Variants in CLIP4 observed in about 807,000 individuals in gnomAD.
CLIP4 encodes CAP-Gly domain containing linker protein family member 4.
Under a neutral mutation model 73.1 loss-of-function variants are expected in CLIP4, and 47 were observed. The observed-to-expected ratio is 0.64, with a 90% confidence interval of 0.51 to 0.82. CLIP4 has a LOEUF of 0.82. Ranked by LOEUF, CLIP4 falls within the 40% of genes least tolerant of loss-of-function variation. The pLI is 0.00. For missense variants in CLIP4, 874 were observed against 852.9 expected (o/e 1.02, Z -0.31); for synonymous variants, 306 against 295.4 (o/e 1.04, Z -0.37).
intron 14 of CLIP4, among the ~76,000 whole-genome samples, chr2:29,169,972 C>G (rs927195958): frequency 6.6e-6 from 1 of 152,114 alleles, no homozygotes; most frequent in Non-Finnish European, 1.5e-5. Context: ...TCACAAGATC[C>G]ACTGTTTTAG....
At chr2:29,157,595 C>T (rs1485550560) in intron 11 of CLIP4, among the ~76,000 whole-genome samples, 1 of 152,178 alleles carries the variant, frequency 6.6e-6, no homozygotes, top group African/African-American at 2.4e-5. Flanking sequence ...CTGAATTTAG[C>T]TTCTTCACAG....
intron 11 of CLIP4, among the ~76,000 whole-genome samples, chr2:29,158,370 C>CT (rs11297703): frequency 1.1e-4 from 17 of 150,050 alleles, no homozygotes; most frequent in East Asian, 1.9e-4. Context: ...TATGGAATTA[C>CT]TTTTTTTTTT....
chr2:29,118,231 TG>T (rs1342710540), intron 1 of CLIP4: 1 of 152,256 alleles, frequency 6.6e-6, no homozygotes, highest in Non-Finnish European at 1.5e-5. Flanking sequence ...TGAAGTCTCC[TG>T]GCTTCAGTAA....
intron 1 of CLIP4, among the ~76,000 whole-genome samples, chr2:29,107,367 T>TTTTTG (rs1668247672): frequency 9.0e-6 from 1 of 111,172 alleles, no homozygotes; most frequent in African/African-American, 3.7e-5. Flanking sequence ...AGTTTTTTTT[T>TTTTTG]TTTTTTTTTT....
In CLIP4 at chr2:29,157,221, G is replaced by A. The variant is rs75318351; in HGVS notation, c.1273G>A (p.Val425Ile). The A allele has an allele frequency of 1.2e-5, 20 of 1,614,010 alleles. No individual in the cohort carries two copies. Among genetic ancestry groups the A allele is most frequent in the Middle Eastern group, 1.6e-4 (1 of 6,062 alleles). Residue 425 changes from valine to isoleucine, a missense_variant, in exon 11 of 16, where the codon GTC (valine) becomes ATC (isoleucine). Transcript: ENST00000320081. Reference protein sequence around the residue: ...TEKDVALLGSVSSCSSTSSLE... With the variant: ...TEKDVALLGSISSCSSTSSLE... The stretch of plus-strand genomic sequence containing the variant: ...TGTTACAGTTGCCCTGCTTGGATCT[G>A]TCAGCAGCTGCTCCTCTACATCTTC...
chr2:29,131,356 G>C lies in CLIP4; in HGVS notation c.232G>C (p.Val78Leu), dbSNP rs746596896. The C allele has an allele frequency of 1.2e-6, 2 of 1,608,012 alleles. No individual in the cohort carries two copies. The highest frequency in any genetic ancestry group is 1.7e-6 in the Non-Finnish European group (2 of 1,177,888). ...SELFAILRQWVPQVQQNIDII... is the reference protein window; with the variant it reads ...SELFAILRQWLPQVQQNIDII... ...ATTATTTGCCATTTTGAGACAGTGG[G>C]TTCCTCAGGTCCAACAAAACATTGA... The change falls in exon 3 of 16, where the codon GTT (valine) becomes CTT (leucine). Residue 78 changes from valine to leucine, a missense_variant. By Grantham distance (32) the Val-to-Leu change is conservative. Coordinates refer to ENST00000320081, the MANE Select transcript of CLIP4 (RefSeq NM_024692.6).
chr2:29,182,866 C>T lies in CLIP4; in HGVS notation c.*973C>T, dbSNP rs977644591. 3.9e-5 allele frequency: 6 copies of T among 152,490 alleles called. No homozygotes were observed. Among genetic ancestry groups the T allele is most frequent in the East Asian group, 1.9e-4 (1 of 5,194 alleles). 9.4% of individuals were successfully genotyped at this position (152,490 alleles called of 1,614,324 possible). A position where few individuals can be genotyped will look rare whatever the true frequency, so the allele number is the denominator to read the frequency against. ...GGGATATGAGAAACATTTTAAAAAA[C>T]GTATTTAACAGAAGAGAGCAAATAA... On this transcript the variant is annotated 3_prime_UTR_variant, in exon 16 of 16. Transcript: ENST00000320081.
intron 15 of CLIP4, among the ~76,000 whole-genome samples, chr2:29,175,852 C>T (rs912716358): frequency 1.2e-4 from 18 of 152,060 alleles, no homozygotes; most frequent in Non-Finnish European, 2.4e-4. Flanking sequence ...AGCTCCGCCT[C>T]CCGGGTTCAC....
intron 2 of CLIP4, chr2:29,130,776 T>C (rs1558526963): frequency 3.1e-6 from 4 of 1,285,006 alleles, no homozygotes; most frequent in East Asian, 5.6e-5. Context: ...GTAAGAACTA[T>C]GTGTACATAG....
chr2:29,145,871 AGGGTTTCGCCATGTTGG>A (rs1299401295), intron 8 of CLIP4, among the ~76,000 whole-genome samples: 6 of 152,156 alleles, frequency 3.9e-5, no homozygotes, highest in African/African-American at 1.4e-4. Flanking sequence ...CAGTAGAGAC[AGGGTTTCGCCATGTTGG>A]CCAGACTGGT....
Position 29,156,345 on chromosome 2 carries a change from G to A in CLIP4, c.1166-9G>A. 1.3e-6 allele frequency: 2 copies of A among 1,548,074 alleles called. No individual in the cohort carries two copies. Among genetic ancestry groups the A allele is most frequent in the Non-Finnish European group, 1.7e-6 (2 of 1,154,656 alleles). ...TTCTTGCTTAAAGTGTTTTATTTTTGTGTCCAAGGATTAATGACATCAAAA... is the reference window on the plus strand; with the variant it reads ...TTCTTGCTTAAAGTGTTTTATTTTTATGTCCAAGGATTAATGACATCAAAA... On this transcript the variant is annotated splice_polypyrimidine_tract_variant and intron_variant, in intron 9 of 15. Coordinates refer to ENST00000320081, the MANE Select transcript of CLIP4 (RefSeq NM_024692.6).
intron 1 of CLIP4, among the ~76,000 whole-genome samples, chr2:29,102,468 GC>G (rs1192719528): frequency 6.6e-6 from 1 of 152,062 alleles, no homozygotes; most frequent in Non-Finnish European, 1.5e-5. Flanking sequence ...AGTTCAGGTT[GC>G]CCACTTGACT....
At chr2:29,099,096 A>G (rs758562742) in intron 1 of CLIP4, among the ~76,000 whole-genome samples, 5 of 152,234 alleles carry the variant, frequency 3.3e-5, no homozygotes, top group Non-Finnish European at 7.3e-5. Context: ...TATTTTGGAT[A>G]ACAGTCTTTA....
Position 29,122,826 on chromosome 2 carries a change from CAAAAAAAAAAAAA to C in CLIP4, c.133+1317_133+1329del, listed in dbSNP as rs11364909. Among the ~76,000 whole-genome samples the C allele has an allele frequency of 5.5e-4, 34 of 61,934 alleles. 1 individual carries two copies. Among genetic ancestry groups the C allele is most frequent in the African/African-American group, 1.9e-3 (27 of 14,318 alleles). 40.6% of individuals were successfully genotyped at this position (61,934 alleles called of 152,430 possible). ...GGGCCACAGAGTGAGACTTTGTCTC[CAAAAAAAAAAAAA>C]AAAAAAAAAAAGCATTGTAGTCTTA... On this transcript the variant is annotated intron_variant, in intron 2 of 15. Coordinates refer to ENST00000320081, the MANE Select transcript of CLIP4 (RefSeq NM_024692.6).
chr2:29,107,060 C>T (rs1306071302), intron 1 of CLIP4, among the ~76,000 whole-genome samples: 1 of 152,146 alleles, frequency 6.6e-6, no homozygotes, highest in Non-Finnish European at 1.5e-5. Context: ...CTGTCAGTGG[C>T]TTTCTTTGGC....
chr2:29,167,431 GA>G (rs1313359780), intron 13 of CLIP4, 44 bp from the exon 14 acceptor site: 2 of 1,435,648 alleles, frequency 1.4e-6, no homozygotes, highest in African/African-American at 2.9e-5. Flanking sequence ...TCTTAAACCT[GA>G]AGACCAGCTA....
intron 13 of CLIP4, among the ~76,000 whole-genome samples, chr2:29,165,577 G>A (rs570166915): frequency 1.3e-5 from 2 of 152,300 alleles, no homozygotes; most frequent in South Asian, 2.1e-4. Flanking sequence ...TAAATAATTG[G>A]TTTGGGAGTA....
At chr2:29,156,849 T>G (rs994932270) in intron 10 of CLIP4, among the ~76,000 whole-genome samples, 1 of 116,666 alleles carries the variant, frequency 8.6e-6, no homozygotes, top group Non-Finnish European at 1.8e-5. Context: ...TAAAACATAT[T>G]AATATCATGT....
At chr2:29,141,032 T>A (rs1665729155) in intron 6 of CLIP4, among the ~76,000 whole-genome samples, 1 of 152,116 alleles carries the variant, frequency 6.6e-6, no homozygotes, top group African/African-American at 2.4e-5. Flanking sequence ...GTGTCTCTAT[T>A]TTCATTTGTT....
Sources: gnomAD v4.1 joint callset for allele counts (sites outside exome capture counted in the v4.1 genomes callset) on GRCh38, gnomAD v4.1.1 for gene constraint, MANE v1.5 for transcripts, NCBI Gene and HGNC (gene_info 2026-07-23, HGNC 2026-07-21) for gene names.